Variants in TIAM2 observed in about 807,000 individuals in gnomAD.
TIAM2 encodes the protein TIAM Rac1 associated GEF 2, also known as rho guanine nucleotide exchange factor TIAM2.
TIAM2 carries 80 observed loss-of-function variants against 152.9 expected under a neutral mutation model. The observed-to-expected ratio is 0.52, with a 90% confidence interval of 0.44 to 0.63. The LOEUF (loss-of-function observed/expected upper bound fraction) is 0.63, where lower values mean the gene tolerates loss of function less well. TIAM2 is among the 30% of genes least tolerant of loss of function. The pLI is 0.00. For synonymous variants in TIAM2, 804 were observed against 838.0 expected (o/e 0.96, Z 0.70); for missense variants, 1,965 against 2,120.1 (o/e 0.93, Z 1.44).
chr6:155,129,545 G>A lies in TIAM2; in HGVS notation c.322G>A (p.Ala108Thr). Reference sequence around the variant, plus strand: ...AGGGAAGGATTTCCAGGGCATCAGTGCTGCTTTCTCAACTGAGAATGGCTT... The same window carrying A: ...AGGGAAGGATTTCCAGGGCATCAGTACTGCTTTCTCAACTGAGAATGGCTT... The part of the protein sequence containing the change: ...APGKDFQGIS[A>T]AFSTENGFHS... The change falls in exon 4 of 27, where the codon GCT (alanine) becomes ACT (threonine). Residue 108 changes from alanine (A) to threonine (T), a missense_variant. Physicochemically the swap from Ala to Thr is moderately conservative, Grantham distance 58 (BLOSUM62 0). This residue lies in a region of TIAM2 where 1,025 missense variants were observed against 1,119.4 expected (regional missense o/e 0.92). Coordinates refer to ENST00000682666, the MANE Select transcript of TIAM2 (RefSeq NM_012454.4). The surrounding 1 kb of genome is among the most constrained non-coding windows in gnomAD (Gnocchi z 4.8). The A allele has an allele frequency of 1.2e-6, 2 of 1,614,148 alleles. No individual in the cohort carries two copies. Among genetic ancestry groups the A allele is most frequent in the Non-Finnish European group, 1.7e-6 (2 of 1,180,028 alleles).
intron 9 of TIAM2, among the ~76,000 whole-genome samples, chr6:155,170,543 G>A (rs1454694994): frequency 6.6e-6 from 1 of 152,184 alleles, no homozygotes; most frequent in Non-Finnish European, 1.5e-5. Flanking sequence ...AGAGGTTGCA[G>A]TGAGCCAAGA....
At chr6:155,234,081 T>G (rs561769927) in intron 15 of TIAM2, among the ~76,000 whole-genome samples, 1 of 152,294 alleles carries the variant, frequency 6.6e-6, no homozygotes, top group East Asian at 1.9e-4. Context: ...TTTAATCTTT[T>G]TATGACTTCT....
At position 155,244,557 on chromosome 6, in the gene TIAM2, G is replaced by A. The variant is rs939169304; in HGVS notation, c.3418-101G>A. Reference sequence around the variant, plus strand: ...GGATTTACTTTCTGTCTGCTTTTCCGTGAAGAATTTCCTTGTGATTTATTT... The same window carrying A: ...GGATTTACTTTCTGTCTGCTTTTCCATGAAGAATTTCCTTGTGATTTATTT... On this transcript the variant is annotated intron_variant, in intron 17 of 26. Coordinates refer to ENST00000682666, the MANE Select transcript of TIAM2 (RefSeq NM_012454.4). The A allele has an allele frequency of 4.6e-5, 64 of 1,395,096 alleles. No individual in the cohort carries two copies. The East Asian group carries it at 6.3e-4, about 14-fold the overall frequency. The allele number at this position is 1,395,096 out of a possible 1,614,324, so 86.4% of individuals were successfully genotyped here.
At chr6:155,076,142 AG>A (rs1329675915) in intron 1 of TIAM2, among the ~76,000 whole-genome samples, 2 of 152,056 alleles carry the variant, frequency 1.3e-5, no homozygotes, top group Non-Finnish European at 2.9e-5. Flanking sequence ...GTGCTCAAAA[AG>A]TTTCAGATCC....
Position 155,256,860 on chromosome 6 carries a change from G to C in TIAM2, c.4845G>C (p.Ser1615=), listed in dbSNP as rs200280999. The change falls in exon 27 of 27, where the codon TCG becomes TCC. Residue 1615 remains serine, a synonymous_variant. Transcript: ENST00000682666. ...PEAEQQPGPE[S]GEGQKGGEQP... The stretch of plus-strand genomic sequence containing the variant: ...CTGAGCAGCAGCCTGGCCCGGAGTC[G>C]GGTGAGGGTCAGAAAGGAGGAGAGC... The C allele has an allele frequency of 2.9e-5, 47 of 1,614,080 alleles. No individual in the cohort carries two copies. The East Asian group carries it at 1.0e-3, about 34-fold the overall frequency.
intron 1 of TIAM2, among the ~76,000 whole-genome samples, chr6:155,089,063 C>G (rs1778236626): frequency 6.6e-6 from 1 of 151,724 alleles, no homozygotes; most frequent in South Asian, 2.1e-4. Context: ...CAGTCTGTTT[C>G]ACATTTTAAA....
chr6:155,095,179 C>A (rs1274741382), intron 2 of TIAM2, among the ~76,000 whole-genome samples: 3 of 152,096 alleles, frequency 2.0e-5, no homozygotes, highest in Non-Finnish European at 1.5e-5. Context: ...ACTTCATGGC[C>A]CCAAACAGAT....
At chr6:155,215,261 T>G (rs1375435828) in intron 15 of TIAM2, among the ~76,000 whole-genome samples, 1 of 152,174 alleles carries the variant, frequency 6.6e-6, no homozygotes, top group Non-Finnish European at 1.5e-5. Flanking sequence ...AGCAAAACAT[T>G]TACAAAGTGA....
intron 14 of TIAM2, among the ~76,000 whole-genome samples, chr6:155,199,975 A>G (rs891949906): frequency 1.3e-5 from 2 of 152,262 alleles, no homozygotes; most frequent in Non-Finnish European, 2.9e-5. Context: ...GGACAAGGTC[A>G]TAGTCAGTGG....
chr6:155,092,205 C>G, intron 2 of TIAM2, among the ~76,000 whole-genome samples: 1 of 147,752 alleles, frequency 6.8e-6, no homozygotes, highest in East Asian at 2.0e-4. Flanking sequence ...TCAAGCAGTC[C>G]TCCCACCTCA....
At chr6:155,171,701 A>G (rs1460922802) in intron 9 of TIAM2, among the ~76,000 whole-genome samples, 2 of 152,318 alleles carry the variant, frequency 1.3e-5, no homozygotes, top group South Asian at 4.1e-4. Context: ...ACACAACCCT[A>G]CATAGCATAT....
At chr6:155,161,205 T>C (rs915177127) in intron 7 of TIAM2, among the ~76,000 whole-genome samples, 3 of 136,470 alleles carry the variant, frequency 2.2e-5, no homozygotes. Context: ...TGAGCCGGGG[T>C]ATCGGGTCTC....
At chr6:155,031,380 A>C (rs1776817444) in intron 1 of TIAM2, among the ~76,000 whole-genome samples, 1 of 152,162 alleles carries the variant, frequency 6.6e-6, no homozygotes, top group Non-Finnish European at 1.5e-5. Context: ...TTTATCTGTA[A>C]TATTTTTTAG....
chr6:155,256,291 ACTGTAAAC>A (rs1036107658), intron 26 of TIAM2, 185 bp from the exon 27 acceptor site: 2 of 769,344 alleles, frequency 2.6e-6, no homozygotes, highest in Non-Finnish European at 4.1e-6. Flanking sequence ...CTAACTTACA[ACTGTAAAC>A]CTAAGTCAAA....
chr6:155,178,331 A>G (rs1415855812), intron 10 of TIAM2, among the ~76,000 whole-genome samples: 1 of 152,092 alleles, frequency 6.6e-6, no homozygotes, highest in African/African-American at 2.4e-5. Context: ...GACATTCTTA[A>G]GTCTGTAGAT....
At position 155,174,173 on chromosome 6, in the gene TIAM2, A is replaced by G. The variant is rs1780704519; in HGVS notation, c.2362-2643A>G. ...GGTGGTGTGAACCAGCTCATCCCAG[A>G]CTTCCACCCTTCAGATCCCCGGAGT... On this transcript the variant is annotated intron_variant, in intron 9 of 26. Transcript: ENST00000682666. This position sits in a 1 kb window ranked among gnomAD's most constrained non-coding sequence, Gnocchi z 4.2. Among the ~76,000 whole-genome samples the G allele has an allele frequency of 6.6e-6, 1 of 152,162 alleles. No homozygotes were observed. Among genetic ancestry groups the G allele is most frequent in the African/African-American group, 2.4e-5 (1 of 41,430 alleles).
In TIAM2 at chr6:155,049,659, C is replaced by T. The variant is rs865980710; in HGVS notation, c.-208-40630C>T. On this transcript the variant is annotated intron_variant, in intron 1 of 26. Transcript: ENST00000682666. ...ATGTTTCATAATTGTTAAAATGGTT[C>T]TAATTTGAAATAATAGCAGTCCTTA... Among the ~76,000 whole-genome samples, 7 of 152,138 alleles carry T rather than the reference C, an allele frequency of 4.6e-5. No individual in the cohort carries two copies. The South Asian group carries it at 1.5e-3, about 32-fold the overall frequency.
At chr6:155,018,619 GA>G (rs1205257602) in intron 1 of TIAM2, among the ~76,000 whole-genome samples, 28 of 116,682 alleles carry the variant, frequency 2.4e-4, no homozygotes, top group Admixed American at 2.8e-4. Flanking sequence ...ACTGTCTCAA[GA>G]AAAAAAAAAA....
intron 14 of TIAM2, among the ~76,000 whole-genome samples, chr6:155,208,720 C>T (rs539533914): frequency 3.3e-5 from 5 of 152,256 alleles, no homozygotes; most frequent in South Asian, 2.1e-4. Flanking sequence ...AGAGGGGACC[C>T]GTAGAATCTA....
Sources: gnomAD v4.1 joint callset for allele counts (sites outside exome capture counted in the v4.1 genomes callset) on GRCh38, gnomAD v4.1.1 for gene constraint, gnomAD v4.1.1 regional missense constraint, Gnocchi (gnomAD v3.1) non-coding constraint, MANE v1.5 for transcripts, NCBI Gene and HGNC (gene_info 2026-07-23, HGNC 2026-07-21) for gene names.